Variants in CDC5L observed in about 807,000 individuals in gnomAD.
The protein encoded by CDC5L is cell division cycle 5 like.
In CDC5L, 18 loss-of-function variants were observed where a neutral mutation model predicts 104.1. The ratio of observed to expected loss-of-function variants is 0.17; its 90% CI spans 0.12 to 0.26. CDC5L has a LOEUF of 0.26. CDC5L is among the 10% of genes least tolerant of loss of function. The pLI is 1.00. For synonymous variants in CDC5L, 331 were observed against 322.7 expected, an observed-to-expected ratio of 1.03 and a Z score of -0.28; for missense variants, 673 against 956.9, an observed-to-expected ratio of 0.70 and a Z score of 3.91.
In CDC5L at chr6:44,426,597, A is replaced by T; in HGVS notation, c.1766A>T (p.His589Leu). ...MITMLHYDLL[H>L]HPYEPSGNKK... ...ACAATGCTTCATTATGACCTTCTAC[A>T]TCACCCTTATGAACCATCTGGAAAT... Residue 589 changes from histidine to leucine, a missense_variant, in exon 13 of 16, where the codon CAT becomes CTT. Transcript: ENST00000371477. 6.2e-7 allele frequency: 1 copy of T among 1,613,660 alleles called. No homozygotes were observed. The highest frequency in any genetic ancestry group is 8.5e-7 in the Non-Finnish European group (1 of 1,179,778).
intron 14 of CDC5L, among the ~76,000 whole-genome samples, chr6:44,443,886 A>G (rs936766922): frequency 2.8e-5 from 4 of 144,140 alleles, no homozygotes; most frequent in African/African-American, 1.0e-4. Flanking sequence ...CCTATTTCTT[A>G]ATTGTTCTTG....
chr6:44,421,425 T>C (rs1297794919), intron 9 of CDC5L, among the ~76,000 whole-genome samples: 3 of 152,250 alleles, frequency 2.0e-5, no homozygotes, highest in Admixed American at 6.5e-5. Context: ...TGTTAAGATA[T>C]GTCTTCCTAC....
intron 14 of CDC5L, among the ~76,000 whole-genome samples, chr6:44,443,058 C>G (rs1254871096): frequency 6.6e-6 from 1 of 151,426 alleles, no homozygotes; most frequent in East Asian, 1.9e-4. Flanking sequence ...CTTCTCTCTC[C>G]TCTCCTGCCC....
chr6:44,430,761 C>G (rs1351509121), intron 14 of CDC5L, among the ~76,000 whole-genome samples: 1 of 151,918 alleles, frequency 6.6e-6, no homozygotes, highest in Non-Finnish European at 1.5e-5. Flanking sequence ...TTAGTAGAGA[C>G]AGAGTTTCAC....
chr6:44,419,294 A>T (rs1024369147), intron 8 of CDC5L, among the ~76,000 whole-genome samples, 155 bp from the exon 9 acceptor site: 5 of 152,222 alleles, frequency 3.3e-5, no homozygotes, highest in African/African-American at 1.2e-4. Context: ...AAACATTGAA[A>T]TCTGCCATGA....
intron 1 of CDC5L, 90 bp from the exon 2 acceptor site, chr6:44,390,178 C>T: frequency 1.3e-6 from 1 of 754,656 alleles, no homozygotes; most frequent in Non-Finnish European, 2.3e-6. Context: ...ATGTCTCTTT[C>T]TCCAATAGCC....
At position 44,411,864 on chromosome 6, in the gene CDC5L, TCCTTGGATTCTGAACA is replaced by T. The variant is rs552097057; in HGVS notation, c.1092+3234_1092+3249del. Among the ~76,000 whole-genome samples the T allele has an allele frequency of 3.7e-3, 561 of 152,322 alleles. 2 individuals carry two copies. Among genetic ancestry groups the T allele is most frequent in the African/African-American group, 0.012 (515 of 41,558 alleles). On this transcript the variant is annotated intron_variant, in intron 8 of 15. Transcript: ENST00000371477. The stretch of plus-strand genomic sequence containing the variant: ...ACAATAATGTGATCTTGCATTTATT[TCCTTGGATTCTGAACA>T]CAAGTAAGGAATGTGTTTCAGGGTG...
chr6:44,411,637 A>AGAGAGAGAGAGAGAGAGTGT, intron 8 of CDC5L, among the ~76,000 whole-genome samples: 1 of 123,744 alleles, frequency 8.1e-6, no homozygotes, highest in South Asian at 3.8e-4. Flanking sequence ...AGAGAGAGAG[A>AGAGAGAGAGAGAGAGAGTGT]GTGTGTGTGT....
intron 8 of CDC5L, 123 bp downstream of exon 8, chr6:44,408,755 G>T (rs544350536): frequency 7.0e-5 from 39 of 554,302 alleles, no homozygotes; most frequent in African/African-American, 7.0e-4. Context: ...ACTGAGTCCT[G>T]AATGCATAGA....
rs527564429 is a variant in CDC5L at position 44,449,101 on chromosome 6, T to C, written c.*2390T>C. The C allele has an allele frequency of 5.9e-4, 90 of 152,372 alleles. 1 individual carries two copies. The highest frequency in any genetic ancestry group is 2.1e-3 in the African/African-American group (89 of 41,594). 9.4% of individuals were successfully genotyped at this position (152,372 alleles called of 1,614,324 possible). ...TTGCACTTTTTGTAGACTTGAATTA[T>C]ATGGATTTAAAAGTTGATCTAATAT... On this transcript the variant is annotated 3_prime_UTR_variant, in exon 16 of 16. Transcript: ENST00000371477.
chr6:44,406,227 G>A, intron 6 of CDC5L, 96 bp from the exon 7 acceptor site: 1 of 899,922 alleles, frequency 1.1e-6, no homozygotes, highest in Non-Finnish European at 1.7e-6. Flanking sequence ...TTAGAAATGA[G>A]GTTGTTTGTT....
At position 44,404,974 on chromosome 6, in the gene CDC5L, A is replaced by G. The variant is rs556292035; in HGVS notation, c.758+947A>G. On this transcript the variant is annotated intron_variant, in intron 6 of 15. Coordinates refer to ENST00000371477, the MANE Select transcript of CDC5L (RefSeq NM_001253.4). ...CTCACAAAGTGTTGGGATTACAGGCATGAGTCACCACTCCTGGCCCTTTTA... is the reference window on the plus strand; with the variant it reads ...CTCACAAAGTGTTGGGATTACAGGCGTGAGTCACCACTCCTGGCCCTTTTA... 5.9e-5 allele frequency among the ~76,000 whole-genome samples: 9 copies of G among 152,314 alleles called. No homozygotes were observed. The East Asian group carries it at 1.7e-3, about 29-fold the overall frequency.
chr6:44,437,203 T>A (rs1478843179), intron 14 of CDC5L, among the ~76,000 whole-genome samples: 1 of 152,226 alleles, frequency 6.6e-6, no homozygotes, highest in African/African-American at 2.4e-5. Flanking sequence ...AAGCTAGTCC[T>A]GTCCCTGTAT....
intron 9 of CDC5L, among the ~76,000 whole-genome samples, chr6:44,421,252 GT>G (rs1277087066): frequency 6.6e-6 from 1 of 152,140 alleles, no homozygotes; most frequent in Non-Finnish European, 1.5e-5. Flanking sequence ...TTCCACATGC[GT>G]TAACTAGAAT....
intron 15 of CDC5L, among the ~76,000 whole-genome samples, chr6:44,446,206 T>C (rs1193967217): frequency 6.6e-6 from 1 of 152,216 alleles, no homozygotes; most frequent in Non-Finnish European, 1.5e-5. Flanking sequence ...AACCAGTATC[T>C]TTTTGTTTTA....
Position 44,420,421 on chromosome 6 carries a change from C to T in CDC5L, c.1241+824C>T, listed in dbSNP as rs11571989. 5.6e-4 allele frequency among the ~76,000 whole-genome samples: 85 copies of T among 151,016 alleles called. 3 individuals carry two copies. The highest frequency in any genetic ancestry group is 5.4e-3 in the Admixed American group (82 of 15,184). ...TTGCCCAGGCTGGAGTGCAGTGGCG[C>T]GAACTCGGCTCATCACAACCTCCGC... On this transcript the variant is annotated intron_variant, in intron 9 of 15. Coordinates refer to ENST00000371477, the MANE Select transcript of CDC5L (RefSeq NM_001253.4).
rs573425385 is a variant in CDC5L at position 44,429,573 on chromosome 6, T to C, written c.1894-140T>C. 6 of 649,784 alleles carry C rather than the reference T, an allele frequency of 9.2e-6. No homozygotes were observed. In the East Asian group the frequency reaches 1.6e-4, roughly 18 times the overall value. 40.3% of individuals were successfully genotyped at this position (649,784 alleles called of 1,614,324 possible). ...CTTAAGCTATTTTTCCTAGGTATTG[T>C]TATCCACCCTTCCAAAAAACAACCA... On this transcript the variant is annotated intron_variant, in intron 13 of 15. Coordinates refer to ENST00000371477, the MANE Select transcript of CDC5L (RefSeq NM_001253.4).
At chr6:44,430,103 TG>T (rs992541690) in intron 14 of CDC5L, among the ~76,000 whole-genome samples, 193 bp downstream of exon 14, 6 of 151,808 alleles carry the variant, frequency 4.0e-5, no homozygotes, top group East Asian at 1.9e-4. Context: ...GTTTTGTTTT[TG>T]TTTTTTTTTT....
intron 9 of CDC5L, among the ~76,000 whole-genome samples, chr6:44,420,219 A>G (rs1011291672): frequency 1.3e-5 from 2 of 152,168 alleles, no homozygotes; most frequent in Non-Finnish European, 2.9e-5. Context: ...GCGTATGCCT[A>G]TGACAGAAAT....
Sources: allele counts gnomAD v4.1 joint callset (sites outside exome capture counted in the v4.1 genomes callset), GRCh38; gene constraint gnomAD v4.1.1; transcripts MANE v1.5; gene names NCBI Gene and HGNC (gene_info 2026-07-23, HGNC 2026-07-21).